Variants in SAPCD1 observed in about 807,000 individuals in gnomAD.
SAPCD1 encodes suppressor APC domain containing 1, also known as suppressor APC domain-containing protein 1.
In SAPCD1, 16 loss-of-function variants were observed where a neutral mutation model predicts 20.7. That is an observed-to-expected ratio of 0.77 (90% CI 0.52 to 1.17). The LOEUF (loss-of-function observed/expected upper bound fraction) is 1.17, where lower values mean the gene tolerates loss of function less well. Among genes scored for constraint, SAPCD1 ranks in the 50% most tolerant of loss-of-function variants. SAPCD1 has a pLI of 0.00. For missense variants in SAPCD1, 173 were observed against 209.9 expected (o/e 0.82, Z 1.09); for synonymous variants, 77 against 84.8 (o/e 0.91, Z 0.50).
Position 31,763,438 on chromosome 6 carries a change from G to A in SAPCD1, c.138G>A (p.Glu46=). 5.6e-6 allele frequency: 9 copies of A among 1,613,100 alleles called. No homozygotes were observed. Among genetic ancestry groups the A allele is most frequent in the Non-Finnish European group, 7.6e-6 (9 of 1,180,036 alleles). ...AGCTACGCAGGATGCAGGCTCTGGA[G>A]AGAGAACAGGATGCCCTGTGGCAGG... The change falls in exon 2 of 5, where the codon GAG becomes GAA. Residue 46 remains glutamate (E), a synonymous_variant. Coordinates refer to ENST00000415669, the Ensembl canonical transcript of SAPCD1. This position sits in a 1 kb window ranked among gnomAD's most constrained non-coding sequence, Gnocchi z 4.9.
chr6:31,762,978 G>A (rs1934573509), upstream of SAPCD1: 6 of 746,870 alleles, frequency 8.0e-6, no homozygotes, highest in African/African-American at 3.6e-5. Context: ...CAGGATGGGT[G>A]CAAGGCAGGG....
In SAPCD1 at chr6:31,763,267, C is replaced by A; in HGVS notation, c.114+99C>A. The A allele has an allele frequency of 8.1e-7, 1 of 1,235,482 alleles. No homozygotes were observed. The highest frequency in any genetic ancestry group is 1.3e-5 in the South Asian group (1 of 76,744). 76.5% of individuals were successfully genotyped at this position (1,235,482 alleles called of 1,614,324 possible). On this transcript the variant is annotated intron_variant, in intron 1 of 4. Transcript: ENST00000415669. This position sits in a 1 kb window ranked among gnomAD's most constrained non-coding sequence, Gnocchi z 4.9. ...TGAGGGCCCACAGTGTTCCCGCCTG[C>A]CTCCCCTTGCCCTCCAGGTCCTCAG...
Position 31,763,343 on chromosome 6 carries a change from G to T in SAPCD1, c.115-72G>T, listed in dbSNP as rs1811202562. On this transcript the variant is annotated intron_variant, in intron 1 of 4. Coordinates refer to ENST00000415669, the Ensembl canonical transcript of SAPCD1. This position sits in a 1 kb window ranked among gnomAD's most constrained non-coding sequence, Gnocchi z 4.9. Reference sequence around the variant, plus strand: ...GACCACACAGTGAACCCAACTAGGGGTGGAGAGAAAGGGCCATAACCCAGA... The same window carrying T: ...GACCACACAGTGAACCCAACTAGGGTTGGAGAGAAAGGGCCATAACCCAGA... The T allele has an allele frequency of 8.2e-6, 13 of 1,592,982 alleles. No individual in the cohort carries two copies. Among genetic ancestry groups the T allele is most frequent in the Non-Finnish European group, 1.1e-5 (13 of 1,163,146 alleles).
rs707937 is a variant in SAPCD1, at chr6:31,763,237, C to G, written c.114+69C>G. 0.22 allele frequency: 267,228 copies of G among 1,201,240 alleles called. 32,610 individuals carry two copies. The highest frequency in any genetic ancestry group is 0.44 in the East Asian group (17,287 of 39,676). 74.4% of individuals were successfully genotyped at this position (1,201,240 alleles called of 1,614,324 possible). On this transcript the variant is annotated intron_variant, in intron 1 of 4. Coordinates refer to ENST00000415669, the Ensembl canonical transcript of SAPCD1. This position sits in a 1 kb window ranked among gnomAD's most constrained non-coding sequence, Gnocchi z 4.9. ...TAGATCTGCCCTTTATATTTCCATT[C>G]AACTTGAGGGCCCACAGTGTTCCCG...
At position 31,763,128 on chromosome 6, in the gene SAPCD1, C is replaced by A; in HGVS notation, c.74C>A (p.Thr25Lys). The A allele has an allele frequency of 1.3e-6, 2 of 1,565,646 alleles. No individual in the cohort carries two copies. ...ACAGTCCTGCTGCTGCCGCTGGGGA[C>A]AAGCCGCCAAGACCCAGGGGCCCAG... Residue 25 changes from threonine (T) to lysine (K), a missense_variant, in exon 1 of 5, where the codon ACA becomes AAA. Physicochemically the swap from Thr to Lys is moderately conservative, Grantham distance 78 (BLOSUM62 -1). Coordinates refer to ENST00000415669, the Ensembl canonical transcript of SAPCD1. This position sits in a 1 kb window ranked among gnomAD's most constrained non-coding sequence, Gnocchi z 4.9.
At position 31,763,660 on chromosome 6, in the gene SAPCD1, G is replaced by A; in HGVS notation, c.255+105G>A. On this transcript the variant is annotated intron_variant, in intron 2 of 4. Transcript: ENST00000415669. This position sits in a 1 kb window ranked among gnomAD's most constrained non-coding sequence, Gnocchi z 4.9. ...CCACTCTGGAGAGGGGAGAGTTAAT[G>A]GTCAGGGATCATGAGTTGGAGGCAG... 2 of 1,094,936 alleles carry A rather than the reference G, an allele frequency of 1.8e-6. No individual in the cohort carries two copies. Among genetic ancestry groups the A allele is most frequent in the Non-Finnish European group, 2.6e-6 (2 of 763,472 alleles). The allele number at this position is 1,094,936 out of a possible 1,614,324, so 67.8% of individuals were successfully genotyped here.
chr6:31,764,446 G>A lies in SAPCD1; in HGVS notation c.452G>A (p.Arg151Lys). The change falls in exon 5 of 5, where the codon AGG (arginine) becomes AAG (lysine). Residue 151 changes from arginine to lysine, a missense_variant. Transcript: ENST00000415669. The surrounding 1 kb of genome is among the most constrained non-coding windows in gnomAD (Gnocchi z 4.7). ...CTGTTTCTCCTCCAGGAGTTGTCAA[G>A]GCAGCAGAAAGGAGTCACCCAGCCA... The A allele has an allele frequency of 6.2e-7, 1 of 1,614,186 alleles. No individual in the cohort carries two copies. The highest frequency in any genetic ancestry group is 8.5e-7 in the Non-Finnish European group (1 of 1,180,008).
rs1378076733 is a variant in SAPCD1 at position 31,764,132 on chromosome 6, CTGTT to C, written c.327_330del (p.Leu110ArgfsTer3). 1 of 1,613,764 alleles carries C rather than the reference CTGTT, an allele frequency of 6.2e-7. No individual in the cohort carries two copies. Among genetic ancestry groups the C allele is most frequent in the Non-Finnish European group, 8.5e-7 (1 of 1,179,646 alleles). ...TAGCCCAGATTCAAAAGGTGAACAT[CTGTT>C]TGCAGAATCTGATTCATGAGAAGGT... On this transcript the variant is annotated frameshift_variant, in exon 3 of 5. Coordinates refer to ENST00000415669, the Ensembl canonical transcript of SAPCD1. LOFTEE classifies it high-confidence loss of function. This position sits in a 1 kb window ranked among gnomAD's most constrained non-coding sequence, Gnocchi z 4.7.
chr6:31,764,286 C>A lies in SAPCD1; in HGVS notation c.372C>A (p.Asn124Lys). The A allele has an allele frequency of 4.3e-6, 7 of 1,614,158 alleles. No individual in the cohort carries two copies. Among genetic ancestry groups the A allele is most frequent in the Non-Finnish European group, 4.2e-6 (5 of 1,179,986 alleles). The change falls in exon 4 of 5, where the codon AAC becomes AAA. Residue 124 changes from asparagine to lysine, a missense_variant. By Grantham distance (94) the Asn-to-Lys change is moderately conservative. Transcript: ENST00000415669. The surrounding 1 kb of genome is among the most constrained non-coding windows in gnomAD (Gnocchi z 4.7). ...TCCAGTTCTCCCCAAGTCCACTGAA[C>A]AAGGCTAGTTCCTGCACCACCCAGG... is the stretch of plus-strand genomic sequence containing the variant.
chr6:31,764,054 C>A lies in SAPCD1; in HGVS notation c.256-10C>A. On this transcript the variant is annotated splice_polypyrimidine_tract_variant and intron_variant, in intron 2 of 4. Transcript: ENST00000415669. The surrounding 1 kb of genome is among the most constrained non-coding windows in gnomAD (Gnocchi z 4.7). Reference sequence around the variant, plus strand: ...TTCACCATGTTGTCAGCCTCCAACTCCTCCTCTAGAATTTTCTAACAGATT... The same window carrying A: ...TTCACCATGTTGTCAGCCTCCAACTACTCCTCTAGAATTTTCTAACAGATT... 2 of 1,596,196 alleles carry A rather than the reference C, an allele frequency of 1.3e-6. No individual in the cohort carries two copies. The highest frequency in any genetic ancestry group is 2.2e-5 in the South Asian group (2 of 90,676).
Position 31,764,207 on chromosome 6 carries a change from A to C in SAPCD1, c.351+48A>C. ...AGACTTTTGGGAAGTTGGACTAGAGAGGGGAGTTGTTGGGGTCAGTGCTGG... is the reference window on the plus strand; with the variant it reads ...AGACTTTTGGGAAGTTGGACTAGAGCGGGGAGTTGTTGGGGTCAGTGCTGG... On this transcript the variant is annotated intron_variant, in intron 3 of 4. Transcript: ENST00000415669. The surrounding 1 kb of genome is among the most constrained non-coding windows in gnomAD (Gnocchi z 4.7). 1 of 1,601,480 alleles carries C rather than the reference A, an allele frequency of 6.2e-7. No homozygotes were observed. Among genetic ancestry groups the C allele is most frequent in the Non-Finnish European group, 8.6e-7 (1 of 1,168,434 alleles).
upstream of SAPCD1, chr6:31,762,877 G>A: frequency 1.8e-6 from 1 of 551,530 alleles, no homozygotes; most frequent in South Asian, 2.6e-5. Flanking sequence ...GGAAGACAGA[G>A]GGGTCCAAGG....
In SAPCD1 at chr6:31,763,446, A is replaced by G; in HGVS notation, c.146A>G (p.Gln49Arg). Residue 49 changes from glutamine to arginine, a missense_variant, in exon 2 of 5, where the codon CAG (glutamine) becomes CGG (arginine). By Grantham distance (43) the Gln-to-Arg change is conservative (BLOSUM62 1). Transcript: ENST00000415669. The surrounding 1 kb of genome is among the most constrained non-coding windows in gnomAD (Gnocchi z 4.9). ...AGGATGCAGGCTCTGGAGAGAGAAC[A>G]GGATGCCCTGTGGCAGGGTCTGGAG... is the stretch of plus-strand genomic sequence containing the variant. 2 of 1,613,076 alleles carry G rather than the reference A, an allele frequency of 1.2e-6. No individual in the cohort carries two copies. The highest frequency in any genetic ancestry group is 1.3e-5 in the African/African-American group (1 of 75,070).
Position 31,763,448 on chromosome 6 carries a change from G to A in SAPCD1, c.148G>A (p.Asp50Asn), listed in dbSNP as rs1180406600. The A allele has an allele frequency of 6.2e-7, 1 of 1,613,064 alleles. No individual in the cohort carries two copies. The highest frequency in any genetic ancestry group is 8.5e-7 in the Non-Finnish European group (1 of 1,180,038). ...GATGCAGGCTCTGGAGAGAGAACAGGATGCCCTGTGGCAGGGTCTGGAGCT... is the reference window on the plus strand; with the variant it reads ...GATGCAGGCTCTGGAGAGAGAACAGAATGCCCTGTGGCAGGGTCTGGAGCT... Residue 50 changes from aspartate to asparagine, a missense_variant, in exon 2 of 5, where the codon GAT becomes AAT. Physicochemically the swap from Asp to Asn is conservative, Grantham distance 23. Transcript: ENST00000415669. The surrounding 1 kb of genome is among the most constrained non-coding windows in gnomAD (Gnocchi z 4.9).
At position 31,763,830 on chromosome 6, in the gene SAPCD1, T is replaced by G; in HGVS notation, c.256-234T>G. The G allele has an allele frequency of 1.7e-6, 1 of 603,432 alleles. No individual in the cohort carries two copies. The highest frequency in any genetic ancestry group is 2.9e-6 in the Non-Finnish European group (1 of 340,292). 37.4% of individuals were successfully genotyped at this position (603,432 alleles called of 1,614,324 possible). Reference sequence around the variant, plus strand: ...CTGGATTATTCCAATGGGGCAGGGATGGACAGGGAGGCTCCATGAAGAGTA... The same window carrying G: ...CTGGATTATTCCAATGGGGCAGGGAGGGACAGGGAGGCTCCATGAAGAGTA... On this transcript the variant is annotated intron_variant, in intron 2 of 4. Transcript: ENST00000415669. The surrounding 1 kb of genome is among the most constrained non-coding windows in gnomAD (Gnocchi z 4.9).
Position 31,764,132 on chromosome 6 carries a change from C to G in SAPCD1, c.324C>G (p.Ile108Met). 6.2e-7 allele frequency: 1 copy of G among 1,613,764 alleles called. No homozygotes were observed. The highest frequency in any genetic ancestry group is 1.3e-5 in the African/African-American group (1 of 75,038). The stretch of plus-strand genomic sequence containing the variant: ...TAGCCCAGATTCAAAAGGTGAACAT[C>G]TGTTTGCAGAATCTGATTCATGAGA... Residue 108 changes from isoleucine to methionine, a missense_variant, in exon 3 of 5, where the codon ATC (isoleucine) becomes ATG (methionine). Physicochemically the swap from Ile to Met is conservative, Grantham distance 10. Coordinates refer to ENST00000415669, the Ensembl canonical transcript of SAPCD1. This position sits in a 1 kb window ranked among gnomAD's most constrained non-coding sequence, Gnocchi z 4.7.
chr6:31,762,789 G>C, upstream of SAPCD1: 1 of 546,650 alleles, frequency 1.8e-6, no homozygotes, highest in East Asian at 3.0e-5. Flanking sequence ...TGTTGCTGTA[G>C]GAAGACTCCC....
Position 31,764,167 on chromosome 6 carries a change from T to G in SAPCD1, c.351+8T>G. The G allele has an allele frequency of 1.2e-6, 2 of 1,611,748 alleles. No individual in the cohort carries two copies. The highest frequency in any genetic ancestry group is 1.3e-5 in the African/African-American group (1 of 75,004). On this transcript the variant is annotated splice_region_variant and intron_variant, in intron 3 of 4. Transcript: ENST00000415669. The surrounding 1 kb of genome is among the most constrained non-coding windows in gnomAD (Gnocchi z 4.7). ...AATCTGATTCATGAGAAGGTGAGTT[T>G]ATTGTTTTCAGTTTAGACTTTTGGG...
upstream of SAPCD1, chr6:31,762,919 C>T: frequency 1.7e-6 from 1 of 585,444 alleles, no homozygotes; most frequent in Admixed American, 3.4e-5. Flanking sequence ...TAGGAACACC[C>T]CAGCCTCAGA....
Sources: gnomAD v4.1 joint callset for allele counts on GRCh38, gnomAD v4.1.1 for gene constraint, Gnocchi (gnomAD v3.1) non-coding constraint, MANE v1.5 for transcripts, NCBI Gene and HGNC (gene_info 2026-07-23, HGNC 2026-07-21) for gene names.